The following CDKAL1 variants were observed in gnomAD, a reference collection of about 807,000 sequenced individuals.
The protein encoded by CDKAL1 is CDKAL1 threonylcarbamoyladenosine tRNA methylthiotransferase, also known as threonylcarbamoyladenosine tRNA methylthiotransferase.
In CDKAL1, 32 loss-of-function variants were observed where a neutral mutation model predicts 68.2. The ratio of observed to expected loss-of-function variants is 0.47; its 90% CI spans 0.35 to 0.63. The LOEUF (loss-of-function observed/expected upper bound fraction) is 0.63, where lower values mean the gene tolerates loss of function less well. Ranked by LOEUF, CDKAL1 falls within the 30% of genes least tolerant of loss-of-function variation. CDKAL1 has a pLI of 0.00. For missense variants in CDKAL1, 606 were observed against 696.7 expected, an observed-to-expected ratio of 0.87 and a Z score of 1.47; for synonymous variants, 234 against 244.3, an observed-to-expected ratio of 0.96 and a Z score of 0.39.
At chr6:20,635,768 C>A (rs1373997928) in intron 4 of CDKAL1, among the ~76,000 whole-genome samples, 1 of 152,142 alleles carries the variant, frequency 6.6e-6, no homozygotes, top group Non-Finnish European at 1.5e-5. Context: ...TTGGCTGAGT[C>A]TGAAAATCAA....
chr6:20,973,523 G>A (rs1345923971), intron 10 of CDKAL1, among the ~76,000 whole-genome samples: 3 of 152,120 alleles, frequency 2.0e-5, no homozygotes, highest in Non-Finnish European at 2.9e-5. Flanking sequence ...GTAGAGGCAT[G>A]CCAGTGTTCA....
chr6:20,736,167 CA>C (rs1773184449), intron 5 of CDKAL1, among the ~76,000 whole-genome samples: 1 of 119,244 alleles, frequency 8.4e-6, no homozygotes, highest in South Asian at 3.1e-4. Flanking sequence ...TGTGGATTAG[CA>C]AACTATTAGC....
chr6:20,605,407 T>A (rs1451197674), intron 4 of CDKAL1, among the ~76,000 whole-genome samples: 3 of 152,210 alleles, frequency 2.0e-5, no homozygotes, highest in African/African-American at 4.8e-5. Context: ...ATGGTTATAA[T>A]AACTTTTTAA....
At chr6:20,931,474 TCTC>T (rs1247465193) in intron 9 of CDKAL1, among the ~76,000 whole-genome samples, 3 of 152,126 alleles carry the variant, frequency 2.0e-5, no homozygotes. Flanking sequence ...ACAAAACTAT[TCTC>T]CTGGTGCTGA....
chr6:20,982,178 C>T (rs2150776169), intron 10 of CDKAL1, among the ~76,000 whole-genome samples: 1 of 152,036 alleles, frequency 6.6e-6, no homozygotes, highest in East Asian at 1.9e-4. Flanking sequence ...GCAATCCCAC[C>T]ACCTCAGCCT....
chr6:20,811,402 AACCCTTT>A (rs2150422561), intron 8 of CDKAL1, among the ~76,000 whole-genome samples: 2 of 152,314 alleles, frequency 1.3e-5, no homozygotes, highest in African/African-American at 4.8e-5. Flanking sequence ...GGCGAATGTT[AACCCTTT>A]ACTCACCTTG....
chr6:20,970,014 T>A (rs1263968926), intron 10 of CDKAL1, among the ~76,000 whole-genome samples: 2 of 152,076 alleles, frequency 1.3e-5, no homozygotes, highest in Non-Finnish European at 2.9e-5. Context: ...AGCCCTGATG[T>A]TAAACAATTG....
At chr6:20,784,084 G>T (rs958375807) in intron 8 of CDKAL1, among the ~76,000 whole-genome samples, 1 of 151,782 alleles carries the variant, frequency 6.6e-6, no homozygotes, top group Admixed American at 6.6e-5. Flanking sequence ...GTGGCGGCGC[G>T]TGCCTGTAAT....
At chr6:20,904,769 A>G (rs1762158883) in intron 9 of CDKAL1, among the ~76,000 whole-genome samples, 1 of 149,670 alleles carries the variant, frequency 6.7e-6, no homozygotes, top group African/African-American at 2.5e-5. Flanking sequence ...AGCCTGGGCA[A>G]CAAGAGCAAA....
At chr6:20,645,119 A>G (rs907309473) in intron 4 of CDKAL1, among the ~76,000 whole-genome samples, 5 of 152,134 alleles carry the variant, frequency 3.3e-5, no homozygotes, top group African/African-American at 1.2e-4. Context: ...GACACTTACT[A>G]TGAATGGAGC....
At chr6:21,005,363 G>A (rs1767670321) in intron 11 of CDKAL1, among the ~76,000 whole-genome samples, 1 of 152,174 alleles carries the variant, frequency 6.6e-6, no homozygotes, top group South Asian at 2.1e-4. Flanking sequence ...GAATCTTTAA[G>A]TCCTCAAGTT....
At chr6:20,898,616 T>C (rs1761814361) in intron 9 of CDKAL1, among the ~76,000 whole-genome samples, 1 of 151,962 alleles carries the variant, frequency 6.6e-6, no homozygotes, top group Admixed American at 6.6e-5. Flanking sequence ...GGAAACCCGG[T>C]CCCTCCTTCT....
intron 4 of CDKAL1, among the ~76,000 whole-genome samples, chr6:20,549,670 G>A (rs1319641285): frequency 6.6e-6 from 1 of 151,672 alleles, no homozygotes; most frequent in Non-Finnish European, 1.5e-5. Context: ...GCAGTGGCAC[G>A]ATCTCAGCTC....
chr6:20,807,692 A>G (rs1214134386), intron 8 of CDKAL1, among the ~76,000 whole-genome samples: 1 of 152,230 alleles, frequency 6.6e-6, no homozygotes, highest in Non-Finnish European at 1.5e-5. Context: ...ATATTACTGT[A>G]AAGTCATTTT....
intron 5 of CDKAL1, among the ~76,000 whole-genome samples, chr6:20,735,639 A>G (rs778019580): frequency 3.9e-5 from 6 of 152,086 alleles, no homozygotes; most frequent in Non-Finnish European, 8.8e-5. Flanking sequence ...ATGCACCTCA[A>G]TTTTTCTTTG....
intron 13 of CDKAL1, among the ~76,000 whole-genome samples, chr6:21,177,731 A>G (rs1777642148): frequency 6.6e-6 from 1 of 151,600 alleles, no homozygotes; most frequent in African/African-American, 2.4e-5. Context: ...CTATCCAAAC[A>G]TTGGTTTTAT....
intron 5 of CDKAL1, among the ~76,000 whole-genome samples, chr6:20,660,791 T>G (rs150956222): frequency 1.3e-5 from 2 of 152,264 alleles, no homozygotes; most frequent in African/African-American, 4.8e-5. Flanking sequence ...GGGAAAAGGG[T>G]TTAGTATCGT....
intron 6 of CDKAL1, among the ~76,000 whole-genome samples, chr6:20,758,074 G>A (rs1033436485): frequency 7.4e-6 from 1 of 134,490 alleles, no homozygotes; most frequent in Non-Finnish European, 1.6e-5. Context: ...GTATAGAACA[G>A]AAGCTGTATT....
intron 5 of CDKAL1, among the ~76,000 whole-genome samples, chr6:20,691,549 G>A (rs1562029295): frequency 6.6e-6 from 1 of 151,976 alleles, no homozygotes; most frequent in Non-Finnish European, 1.5e-5. Context: ...ATTAACCAGA[G>A]GTCTCCATGC....
Sources: allele counts gnomAD v4.1 joint callset (sites outside exome capture counted in the v4.1 genomes callset), GRCh38; gene constraint gnomAD v4.1.1; transcripts MANE v1.5; gene names NCBI Gene and HGNC (gene_info 2026-07-23, HGNC 2026-07-21).